The following SGCD variants were observed in gnomAD, a reference collection of about 807,000 sequenced individuals.
The protein encoded by SGCD is sarcoglycan delta, also known as delta-sarcoglycan.
SGCD carries 18 observed loss-of-function variants against 36.6 expected under a neutral mutation model. The observed-to-expected ratio is 0.49, with a 90% CI of 0.34 to 0.73. SGCD has a LOEUF of 0.73. Ranked by LOEUF, SGCD falls within the 30% of genes least tolerant of loss-of-function variation. The probability of loss-of-function intolerance (pLI) is 0.01; values close to 1 mark genes in which losing one functional copy is unlikely to be tolerated. For synonymous variants in SGCD, 133 were observed against 130.6 expected (o/e 1.02, Z -0.12); for missense variants, 387 against 346.7 (o/e 1.12, Z -0.92).
intron 3 of SGCD, among the ~76,000 whole-genome samples, chr5:156,461,428 T>G (rs1247926800): frequency 6.6e-6 from 1 of 152,060 alleles, no homozygotes; most frequent in Non-Finnish European, 1.5e-5. Context: ...TTTATTACTA[T>G]GAAATGAGAG....
chr5:155,849,398 GGCACACACACCCACCACCCCCCTCCAC>G, the SGCD span, among the ~76,000 whole-genome samples: 3 of 151,474 alleles, frequency 2.0e-5, no homozygotes, highest in African/African-American at 4.9e-5. Context: ...ATGTGATACA[GGCACACACACCCACCACCCCCCTCCAC>G]ACACACACAC....
chr5:156,308,909 A>G (rs1405395903), intron 3 of SGCD, among the ~76,000 whole-genome samples: 1 of 152,156 alleles, frequency 6.6e-6, no homozygotes, highest in Non-Finnish European at 1.5e-5. Context: ...TCACTTTTAA[A>G]TGGCAGATTT....
the SGCD span, among the ~76,000 whole-genome samples, chr5:155,828,024 G>T: frequency 6.6e-6 from 1 of 151,930 alleles, no homozygotes; most frequent in Non-Finnish European, 1.5e-5. Context: ...CTGTTACTAA[G>T]AAAGAGAGAT....
intron 1 of SGCD, among the ~76,000 whole-genome samples, chr5:156,115,594 T>A (rs991703310): frequency 4.6e-5 from 7 of 152,124 alleles, no homozygotes; most frequent in Non-Finnish European, 1.0e-4. Context: ...ATCAAGCATC[T>A]AATTACTTTT....
At chr5:156,031,731 C>G (rs77825574) in intron 1 of SGCD, among the ~76,000 whole-genome samples, 4,034 of 152,202 alleles carry the variant, frequency 0.027, 179 homozygotes, top group African/African-American at 0.092. Flanking sequence ...AAGTTCAGCA[C>G]CAATCTGTGA....
chr5:156,093,088 G>T (rs1304078054), intron 1 of SGCD, among the ~76,000 whole-genome samples: 1 of 152,206 alleles, frequency 6.6e-6, no homozygotes, highest in African/African-American at 2.4e-5. Context: ...CCACAACCTT[G>T]TCCCATTATT....
intron 1 of SGCD, among the ~76,000 whole-genome samples, chr5:155,910,386 G>A (rs1047865093): frequency 6.6e-5 from 10 of 152,042 alleles, no homozygotes; most frequent in African/African-American, 1.7e-4. Context: ...ACAGATTTTA[G>A]TAAAAGAAGC....
intron 1 of SGCD, among the ~76,000 whole-genome samples, chr5:156,117,553 A>G (rs1361458366): frequency 1.3e-5 from 2 of 152,186 alleles, no homozygotes; most frequent in Non-Finnish European, 2.9e-5. Context: ...TCATTTGACA[A>G]TGAATATTGG....
At chr5:156,308,063 A>G (rs924350846) in intron 3 of SGCD, among the ~76,000 whole-genome samples, 4 of 152,148 alleles carry the variant, frequency 2.6e-5, no homozygotes, top group African/African-American at 9.7e-5. Flanking sequence ...TTTCCCTTGT[A>G]TTTACCTTTA....
intron 7 of SGCD, among the ~76,000 whole-genome samples, chr5:156,687,484 A>G (rs2113697620): frequency 6.6e-6 from 1 of 152,314 alleles, no homozygotes; most frequent in South Asian, 2.1e-4. Context: ...CATAAAATTC[A>G]ACTTGTGTTG....
At chr5:156,329,675 T>C (rs925604288) in intron 2 of SGCD, 96 bp downstream of exon 2, 1 of 1,110,500 alleles carries the variant, frequency 9.0e-7, no homozygotes, top group Non-Finnish European at 1.3e-6. Context: ...AAGTGTTATA[T>C]ATGCCTTATC....
intron 4 of SGCD, among the ~76,000 whole-genome samples, chr5:156,536,005 A>G (rs748118777): frequency 6.6e-6 from 1 of 152,194 alleles, no homozygotes. Flanking sequence ...CGTATGAGAC[A>G]TAAGTAATTT....
chr5:155,870,386 G>A (rs983016880), exon 1 of SGCD: 25 of 152,244 alleles, frequency 1.6e-4, no homozygotes, highest in African/African-American at 5.8e-4. Context: ...ATCAGTGAGT[G>A]GTCCCCCAAT....
At chr5:156,415,866 A>G (rs1773002427) in intron 3 of SGCD, among the ~76,000 whole-genome samples, 1 of 152,208 alleles carries the variant, frequency 6.6e-6, no homozygotes, top group African/African-American at 2.4e-5. Flanking sequence ...ATTAGGGGAA[A>G]GTCGCTTTAA....
intron 3 of SGCD, among the ~76,000 whole-genome samples, chr5:156,317,405 A>G (rs901627000): frequency 3.3e-5 from 5 of 152,122 alleles, no homozygotes. Flanking sequence ...TGAAGAAGAC[A>G]ATAATCCAGA....
intron 1 of SGCD, among the ~76,000 whole-genome samples, chr5:155,952,046 A>T (rs1757558536): frequency 1.3e-5 from 2 of 152,158 alleles, no homozygotes; most frequent in African/African-American, 4.8e-5. Context: ...TCCTAAAGTT[A>T]ATCTTTTCTT....
intron 7 of SGCD, among the ~76,000 whole-genome samples, chr5:156,727,347 A>T (rs747562142): frequency 6.6e-6 from 1 of 152,184 alleles, no homozygotes; most frequent in Non-Finnish European, 1.5e-5. Flanking sequence ...CTAAAGCTGG[A>T]TTTTACAAGG....
chr5:156,671,232 C>A (rs1192162116), intron 7 of SGCD, among the ~76,000 whole-genome samples: 1 of 145,404 alleles, frequency 6.9e-6, no homozygotes, highest in African/African-American at 2.5e-5. Flanking sequence ...CCAATTGGAG[C>A]TTTATCAAAT....
chr5:156,565,261 G>A (rs1759430320), intron 4 of SGCD, among the ~76,000 whole-genome samples: 1 of 152,176 alleles, frequency 6.6e-6, no homozygotes, highest in African/African-American at 2.4e-5. Flanking sequence ...TCCACAGTAA[G>A]TAATAGATTT....
Sources: allele counts gnomAD v4.1 joint callset (sites outside exome capture counted in the v4.1 genomes callset), GRCh38; gene constraint gnomAD v4.1.1; transcripts MANE v1.5; gene names NCBI Gene and HGNC (gene_info 2026-07-23, HGNC 2026-07-21).